Variants in GPHN observed in about 807,000 individuals in gnomAD.
GPHN encodes the protein gephyrin.
In GPHN, 17 loss-of-function variants were observed where a neutral mutation model predicts 95.5. That is an observed-to-expected ratio of 0.18 (90% CI 0.12 to 0.27). GPHN has a LOEUF of 0.27. Among genes scored for constraint, GPHN ranks in the 10% least tolerant of loss-of-function variants. The pLI, the probability that GPHN is intolerant of heterozygous loss-of-function variation, is 1.00. For synonymous variants in GPHN, 320 were observed against 322.5 expected (o/e 0.99, Z 0.08); for missense variants, 660 against 978.1 (o/e 0.67, Z 4.34).
chr14:67,126,807 T>C (rs28393007), intron 17 of GPHN, among the ~76,000 whole-genome samples: 7,268 of 151,636 alleles, frequency 0.048, 362 homozygotes, highest in African/African-American at 0.12. Flanking sequence ...GTATGTTTAT[T>C]GCGGCATTAT....
the GPHN span, among the ~76,000 whole-genome samples, chr14:67,601,745 C>CA: frequency 6.6e-6 from 1 of 151,608 alleles, no homozygotes; most frequent in African/African-American, 2.4e-5. Context: ...ACTAAAAATA[C>CA]AAAAAAATTA....
At chr14:66,573,102 T>A (rs1383215296) in intron 1 of GPHN, among the ~76,000 whole-genome samples, 2 of 152,188 alleles carry the variant, frequency 1.3e-5, no homozygotes, top group Non-Finnish European at 2.9e-5. Flanking sequence ...TTGAAACTTA[T>A]TTTGTGGGCT....
In GPHN at chr14:67,095,966, CAAAAA is replaced by C; in HGVS notation, c.1238-4874_1238-4870del. On this transcript the variant is annotated intron_variant, in intron 12 of 22. Transcript: ENST00000478722. ...AACAAAAAAAAAGAAAAGAAAAAGG[CAAAAA>C]AAAAAAAAAAAAAAAGAATTTAGAA... Among the ~76,000 whole-genome samples the C allele has an allele frequency of 5.0e-3, 334 of 67,108 alleles. 1 individual carries two copies. Among genetic ancestry groups the C allele is most frequent in the African/African-American group, 0.014 (316 of 22,536 alleles). The allele number at this position is 67,108 out of a possible 152,430, so 44.0% of individuals were successfully genotyped here. A position where few individuals can be genotyped will look rare whatever the true frequency, so the allele number is the denominator to read the frequency against.
rs1343637639 is a variant in GPHN, at chr14:66,836,714, C to T, written c.294+12148C>T. Among the ~76,000 whole-genome samples, 3 of 149,996 alleles carry T rather than the reference C, an allele frequency of 2.0e-5. No individual in the cohort carries two copies. The East Asian group carries it at 5.9e-4, about 29-fold the overall frequency. On this transcript the variant is annotated intron_variant, in intron 4 of 22. Coordinates refer to ENST00000478722, the MANE Select transcript of GPHN (RefSeq NM_020806.5). ...ACTCATCTGACAAAGCACTAATATC[C>T]AGAATCTACAATGAACTCAAACAAA...
chr14:67,650,001 C>T, the GPHN span: 1 of 152,330 alleles, frequency 6.6e-6, no homozygotes, highest in Middle Eastern at 3.4e-3. Flanking sequence ...GGAACACTAC[C>T]GAGAACTTTG....
chr14:67,472,535 G>A, the GPHN span: 8,436 of 152,422 alleles, frequency 0.055, 320 homozygotes, highest in South Asian at 0.14. Context: ...GGGGTAGGGA[G>A]GTGTAACTCA....
chr14:67,188,581 G>A, the GPHN span, among the ~76,000 whole-genome samples: 41 of 152,306 alleles, frequency 2.7e-4, no homozygotes, highest in East Asian at 3.1e-3. Context: ...CTATAGGTAT[G>A]ACCAGAGGAA....
intron 10 of GPHN, among the ~76,000 whole-genome samples, chr14:67,026,900 C>G (rs2073954455): frequency 6.6e-6 from 1 of 152,134 alleles, no homozygotes; most frequent in Admixed American, 6.5e-5. Flanking sequence ...CCTCGGCCTC[C>G]CAGAGTGCTG....
At chr14:66,979,670 A>G (rs2070513955) in intron 9 of GPHN, among the ~76,000 whole-genome samples, 1 of 152,170 alleles carries the variant, frequency 6.6e-6, no homozygotes, top group South Asian at 2.1e-4. Context: ...TCTCATTCAT[A>G]TGTTCACTGG....
chr14:66,991,038 A>T (rs61989638), intron 9 of GPHN, among the ~76,000 whole-genome samples: 27,839 of 151,920 alleles, frequency 0.18, 2,964 homozygotes, highest in Non-Finnish European at 0.25. Context: ...GTAATCAACA[A>T]TATAAAATAG....
In GPHN at chr14:66,738,381, G is replaced by A. The variant is rs371161291; in HGVS notation, c.144-38083G>A. Among the ~76,000 whole-genome samples, 17 of 152,238 alleles carry A rather than the reference G, an allele frequency of 1.1e-4. 1 individual carries two copies. The South Asian group carries it at 1.2e-3, about 11-fold the overall frequency. ...TTATAAAGTTACTTTATTATAAAGG[G>A]TATAGTCTCTATTTAAAATGTTAAG... On this transcript the variant is annotated intron_variant, in intron 2 of 22. Transcript: ENST00000478722.
At position 66,811,789 on chromosome 14, in the gene GPHN, G is replaced by A. The variant is rs2060774969; in HGVS notation, c.202-12685G>A. Among the ~76,000 whole-genome samples the A allele has an allele frequency of 3.3e-5, 5 of 152,158 alleles. No homozygotes were observed. The South Asian group carries it at 6.2e-4, about 19-fold the overall frequency. ...TTTATTGACAAATAAAATAATAGGT[G>A]TTTAAGCTACTTTGAGAATAAGCTT... is the stretch of plus-strand genomic sequence containing the variant. On this transcript the variant is annotated intron_variant, in intron 3 of 22. Coordinates refer to ENST00000478722, the MANE Select transcript of GPHN (RefSeq NM_020806.5).
the GPHN span, among the ~76,000 whole-genome samples, chr14:67,694,572 G>C: frequency 6.8e-6 from 1 of 148,118 alleles, no homozygotes; most frequent in Admixed American, 6.8e-5. Flanking sequence ...TTCAGTTCTG[G>C]TTCAACTTTT....
the GPHN span, among the ~76,000 whole-genome samples, chr14:67,498,283 G>C: frequency 1.3e-5 from 2 of 152,128 alleles, no homozygotes; most frequent in African/African-American, 4.8e-5. Flanking sequence ...AGCCACGATG[G>C]GGGGTGGGCA....
chr14:66,601,460 G>T (rs1352275910), intron 1 of GPHN, among the ~76,000 whole-genome samples: 3 of 151,862 alleles, frequency 2.0e-5, no homozygotes, highest in Admixed American at 2.0e-4. Flanking sequence ...CTAGTCTTTT[G>T]GGAATAGGAA....
the GPHN span, chr14:67,445,939 T>C: frequency 6.6e-6 from 3 of 455,602 alleles, no homozygotes; most frequent in African/African-American, 2.0e-5. Flanking sequence ...TGCTTGTGGC[T>C]AATGTCAAGT....
At chr14:67,593,490 CAA>C in the GPHN span, 33,053 of 312,654 alleles carry the variant, frequency 0.11, no homozygotes, top group South Asian at 0.15. Context: ...GACCCTGTCT[CAA>C]AAAAAAAAAA....
the GPHN span, among the ~76,000 whole-genome samples, chr14:67,290,677 C>T: frequency 1.3e-5 from 2 of 152,142 alleles, no homozygotes; most frequent in Admixed American, 6.5e-5. Flanking sequence ...GGAACACAGG[C>T]GTGAGCCACT....
chr14:67,181,088 T>C lies in GPHN; in HGVS notation c.*151T>C. 2.7e-6 allele frequency: 2 copies of C among 743,896 alleles called. No individual in the cohort carries two copies. The highest frequency in any genetic ancestry group is 4.4e-6 in the Non-Finnish European group (2 of 451,088). The allele number at this position is 743,896 out of a possible 1,614,324, so 46.1% of individuals were successfully genotyped here. On this transcript the variant is annotated 3_prime_UTR_variant, in exon 23 of 23. Transcript: ENST00000478722. ...ACTATATTTCAAATGAATTTAAATATCTTTTAAAGAAAAAAACACCTAAAA... is the reference window on the plus strand; with the variant it reads ...ACTATATTTCAAATGAATTTAAATACCTTTTAAAGAAAAAAACACCTAAAA...
Sources: allele counts gnomAD v4.1 joint callset (sites outside exome capture counted in the v4.1 genomes callset), GRCh38; gene constraint gnomAD v4.1.1; transcripts MANE v1.5; gene names NCBI Gene and HGNC (gene_info 2026-07-23, HGNC 2026-07-21).